RXFP1: variants seen among roughly 807,000 people sequenced by gnomAD.
The protein encoded by RXFP1 is relaxin receptor 1.
A neutral mutation model predicts 89.8 loss-of-function variants in RXFP1; 73 were observed. That is an observed-to-expected ratio of 0.81 (90% CI 0.67 to 0.99). The LOEUF (loss-of-function observed/expected upper bound fraction) is 0.99. Among genes scored for constraint, RXFP1 ranks in the 50% least tolerant of loss-of-function variants. The pLI is 0.00. For missense variants in RXFP1, 793 were observed against 895.5 expected (o/e 0.89, Z 1.46); for synonymous variants, 277 against 305.5 (o/e 0.91, Z 0.97).
chr4:158,612,158 C>T lies in RXFP1; in HGVS notation c.565C>T (p.Leu189=). 1 of 1,611,104 alleles carries T rather than the reference C, an allele frequency of 6.2e-7. No homozygotes were observed. Among genetic ancestry groups the T allele is most frequent in the Non-Finnish European group, 8.5e-7 (1 of 1,179,116 alleles). The change falls in exon 7 of 18, where the codon CTG becomes TTG. Residue 189 remains leucine (L), a synonymous_variant. Coordinates refer to ENST00000307765, the MANE Select transcript of RXFP1 (RefSeq NM_021634.4). The part of the protein sequence containing the change: ...LYLSHNRITF[L]KPGVFEDLHR... ...TCTCAGTCATAACAGAATAACCTTC[C>T]TGAAGCCGGGTGTTTTTGAAGATCT...
At position 158,597,260 on chromosome 4, in the gene RXFP1, C is replaced by T. The variant is rs527388685; in HGVS notation, c.287-2066C>T. Among the ~76,000 whole-genome samples the T allele has an allele frequency of 3.3e-5, 5 of 152,026 alleles. No individual in the cohort carries two copies. In the East Asian group the frequency reaches 9.6e-4, roughly 29 times the overall value. On this transcript the variant is annotated intron_variant, in intron 3 of 17. Transcript: ENST00000307765. ...TTTGACTAGAATAATGTGAGGAATT[C>T]ACATTATTAAAGTCATCTCTCAAGG...
At chr4:158,632,232 G>T (rs1422810638) in intron 11 of RXFP1, among the ~76,000 whole-genome samples, 1 of 152,192 alleles carries the variant, frequency 6.6e-6, no homozygotes, top group Non-Finnish European at 1.5e-5. Flanking sequence ...TCCAGGTTCA[G>T]TTTGCAGCAA....
chr4:158,608,279 CTTTT>C (rs756131500), intron 6 of RXFP1, among the ~76,000 whole-genome samples: 1 of 76,102 alleles, frequency 1.3e-5, no homozygotes, highest in Non-Finnish European at 2.4e-5. Flanking sequence ...GTATTCCTTT[CTTTT>C]TTTTTTTTTT....
chr4:158,564,184 G>C (rs1005811209), intron 1 of RXFP1, among the ~76,000 whole-genome samples: 1 of 151,964 alleles, frequency 6.6e-6, no homozygotes, highest in African/African-American at 2.4e-5. Flanking sequence ...CAATGCAACT[G>C]GTGATCGTTC....
intron 1 of RXFP1, among the ~76,000 whole-genome samples, chr4:158,570,468 T>C (rs1263905744): frequency 6.6e-6 from 1 of 152,170 alleles, no homozygotes; most frequent in Non-Finnish European, 1.5e-5. Context: ...CCAGAGAGTC[T>C]CAGTGGTGGC....
intron 1 of RXFP1, among the ~76,000 whole-genome samples, chr4:158,569,812 G>A (rs1754651103): frequency 6.6e-6 from 1 of 152,142 alleles, no homozygotes; most frequent in African/African-American, 2.4e-5. Context: ...TTTTTTGTTG[G>A]TGGGGGGTGG....
In RXFP1 at chr4:158,649,240, G is replaced by A. The variant is rs1023224571; in HGVS notation, c.1975+523G>A. Among the ~76,000 whole-genome samples, 5 of 152,258 alleles carry A rather than the reference G, an allele frequency of 3.3e-5. No individual in the cohort carries two copies. The East Asian group carries it at 9.6e-4, about 29-fold the overall frequency. ...AATACAATTACTATGGAACAAAGAAGCAATGAGTGACCAAAATAAATTCCA... is the reference window on the plus strand; with the variant it reads ...AATACAATTACTATGGAACAAAGAAACAATGAGTGACCAAAATAAATTCCA... On this transcript the variant is annotated intron_variant, in intron 17 of 17. Transcript: ENST00000307765.
intron 2 of RXFP1, among the ~76,000 whole-genome samples, chr4:158,579,316 T>C (rs1756871473): frequency 6.6e-6 from 1 of 152,158 alleles, no homozygotes; most frequent in Non-Finnish European, 1.5e-5. Context: ...TAGCCCAGGC[T>C]GGAGTGCAGT....
intron 2 of RXFP1, among the ~76,000 whole-genome samples, chr4:158,576,384 A>G (rs1009307285): frequency 1.4e-4 from 21 of 152,110 alleles, no homozygotes; most frequent in African/African-American, 5.1e-4. Flanking sequence ...AACATGGCAA[A>G]AACCTGTCTC....
intron 1 of RXFP1, among the ~76,000 whole-genome samples, chr4:158,534,873 TATATTATTACCTATA>T (rs1278098006): frequency 7.6e-5 from 11 of 145,208 alleles, no homozygotes; most frequent in Admixed American, 1.4e-4. Context: ...TATTATTACC[TATATTATTACCTATA>T]ATAAGTAATT....
chr4:158,578,089 T>G (rs775086152), intron 2 of RXFP1, among the ~76,000 whole-genome samples: 1 of 152,222 alleles, frequency 6.6e-6, no homozygotes, highest in Non-Finnish European at 1.5e-5. Flanking sequence ...GGAATTTACA[T>G]GTATACAGAC....
At chr4:158,600,634 C>T (rs1320408769) in intron 4 of RXFP1, among the ~76,000 whole-genome samples, 1 of 151,914 alleles carries the variant, frequency 6.6e-6, no homozygotes. Flanking sequence ...TATGAATAGT[C>T]TGGGCAACAC....
intron 2 of RXFP1, among the ~76,000 whole-genome samples, chr4:158,583,873 C>T (rs1369227860): frequency 1.3e-5 from 2 of 152,156 alleles, no homozygotes; most frequent in Non-Finnish European, 2.9e-5. Context: ...TTTCCATAAA[C>T]AGTTGCCTCC....
chr4:158,585,784 A>G (rs1450343643), intron 2 of RXFP1, among the ~76,000 whole-genome samples: 1 of 152,238 alleles, frequency 6.6e-6, no homozygotes, highest in Non-Finnish European at 1.5e-5. Flanking sequence ...ATATACATCA[A>G]TAAGCATAGC....
At chr4:158,595,201 A>G (rs919447137) in intron 3 of RXFP1, among the ~76,000 whole-genome samples, 7 of 152,182 alleles carry the variant, frequency 4.6e-5, no homozygotes, top group African/African-American at 1.7e-4. Context: ...CACGTTTTCT[A>G]TTCTCTCCGT....
intron 1 of RXFP1, among the ~76,000 whole-genome samples, chr4:158,523,496 T>A (rs1231833348): frequency 1.3e-5 from 2 of 152,200 alleles, no homozygotes; most frequent in Non-Finnish European, 2.9e-5. Context: ...CAGAAAATAA[T>A]AATGATGGTG....
intron 1 of RXFP1, among the ~76,000 whole-genome samples, chr4:158,554,277 A>G (rs1445487176): frequency 6.6e-6 from 1 of 152,150 alleles, no homozygotes; most frequent in Non-Finnish European, 1.5e-5. Context: ...ATAACGTCAG[A>G]GTTTTTTTTT....
At chr4:158,572,372 A>T (rs1755269068) in intron 1 of RXFP1, among the ~76,000 whole-genome samples, 1 of 152,156 alleles carries the variant, frequency 6.6e-6, no homozygotes, top group Non-Finnish European at 1.5e-5. Context: ...TTTTAAAATT[A>T]TTGGCTGAAA....
At position 158,645,041 on chromosome 4, in the gene RXFP1, T is replaced by C; in HGVS notation, c.1248T>C (p.Ser416=). ...IIQRVFVWVV[S]AVTCFGNIFV... is the part of the protein sequence containing the mutation. ...AGAGAGTATTTGTCTGGGTTGTATC[T>C]GCAGTTACCTGCTTTGGAAACATTT... Residue 416 remains serine (S), a synonymous_variant, in exon 15 of 18, where the codon TCT becomes TCC. Coordinates refer to ENST00000307765, the MANE Select transcript of RXFP1 (RefSeq NM_021634.4). The C allele has an allele frequency of 1.2e-6, 2 of 1,614,198 alleles. No homozygotes were observed. The highest frequency in any genetic ancestry group is 2.2e-5 in the East Asian group (1 of 44,876).
Sources: gnomAD v4.1 joint callset for allele counts (sites outside exome capture counted in the v4.1 genomes callset) on GRCh38, gnomAD v4.1.1 for gene constraint, MANE v1.5 for transcripts, NCBI Gene and HGNC (gene_info 2026-07-23, HGNC 2026-07-21) for gene names.